Variants in SLCO6A1 observed in about 807,000 individuals in gnomAD.
SLCO6A1 encodes the protein solute carrier organic anion transporter family member 6A1, also known as cancer/testis antigen 48.
A neutral mutation model predicts 72.7 loss-of-function variants in SLCO6A1; 65 were observed. The observed-to-expected ratio is 0.89, with a 90% CI of 0.73 to 1.10. The LOEUF is 1.10. Among genes scored for constraint, SLCO6A1 ranks in the 50% least tolerant of loss-of-function variants. The pLI is 0.00. For missense variants in SLCO6A1, 874 were observed against 872.6 expected, an observed-to-expected ratio of 1.00 and a Z score of -0.02; for synonymous variants, 314 against 298.2, an observed-to-expected ratio of 1.05 and a Z score of -0.55.
chr5:102,432,347 A>C (rs1048354433), intron 7 of SLCO6A1, among the ~76,000 whole-genome samples: 2 of 152,050 alleles, frequency 1.3e-5, no homozygotes, highest in African/African-American at 4.8e-5. Flanking sequence ...TTGCATACTT[A>C]AGTGCATTTT....
intron 10 of SLCO6A1, among the ~76,000 whole-genome samples, chr5:102,392,384 A>G (rs1746814602): frequency 6.6e-6 from 1 of 152,016 alleles, no homozygotes; most frequent in African/African-American, 2.4e-5. Context: ...TTTTTGATAT[A>G]AAAGTGGAAA....
intron 12 of SLCO6A1, among the ~76,000 whole-genome samples, chr5:102,384,072 G>A (rs1290317696): frequency 6.6e-6 from 1 of 151,590 alleles, no homozygotes; most frequent in East Asian, 1.9e-4. Flanking sequence ...TCTTCTCTCT[G>A]TTTTTCTTAG....
intron 4 of SLCO6A1, 147 bp from the exon 5 acceptor site, chr5:102,459,924 C>T (rs1031215693): frequency 8.2e-6 from 5 of 607,834 alleles, no homozygotes; most frequent in Non-Finnish European, 1.1e-5. Flanking sequence ...TAATTTGTTA[C>T]TATTGTTTGT....
intron 7 of SLCO6A1, 180 bp downstream of exon 7, chr5:102,438,437 A>G: frequency 2.3e-6 from 1 of 436,518 alleles, no homozygotes; most frequent in Non-Finnish European, 4.0e-6. Context: ...AAGTTTTTAC[A>G]AGGATTTATA....
chr5:102,491,023 G>A (rs148147721), intron 1 of SLCO6A1, among the ~76,000 whole-genome samples: 2,603 of 152,152 alleles, frequency 0.017, 34 homozygotes, highest in African/African-American at 0.033. Flanking sequence ...GTCTGTTTTG[G>A]CAGGGCGCTG....
intron 4 of SLCO6A1, among the ~76,000 whole-genome samples, chr5:102,460,119 T>A (rs755211775): frequency 6.6e-6 from 1 of 152,160 alleles, no homozygotes; most frequent in Non-Finnish European, 1.5e-5. Context: ...CCTTTTTAAA[T>A]CTTACCTTTC....
At chr5:102,406,306 T>C (rs1452420255) in intron 9 of SLCO6A1, among the ~76,000 whole-genome samples, 1 of 151,884 alleles carries the variant, frequency 6.6e-6, no homozygotes, top group Non-Finnish European at 1.5e-5. Context: ...AGCAAAATAA[T>C]GCTATAATAA....
intron 8 of SLCO6A1, among the ~76,000 whole-genome samples, chr5:102,417,776 T>A (rs578058079): frequency 6.6e-6 from 1 of 152,250 alleles, no homozygotes; most frequent in Admixed American, 6.5e-5. Context: ...TTTTATGTAG[T>A]GTGGGTCAGG....
chr5:102,455,916 T>C (rs1041337106), intron 6 of SLCO6A1, among the ~76,000 whole-genome samples: 2 of 152,184 alleles, frequency 1.3e-5, no homozygotes, highest in African/African-American at 2.4e-5. Context: ...CATGATCAAG[T>C]GGGCTTCATC....
chr5:102,412,093 C>T (rs915189226), intron 9 of SLCO6A1, among the ~76,000 whole-genome samples: 2 of 152,016 alleles, frequency 1.3e-5, no homozygotes, highest in African/African-American at 4.8e-5. Context: ...AACCAATTGT[C>T]GACCAGAAAA....
chr5:102,380,037 CA>C (rs1303850404), intron 12 of SLCO6A1, among the ~76,000 whole-genome samples: 1 of 151,820 alleles, frequency 6.6e-6, no homozygotes, highest in Non-Finnish European at 1.5e-5. Context: ...TATTTGGAAA[CA>C]AAATTGATTT....
At chr5:102,406,514 TAC>T (rs1747675743) in intron 9 of SLCO6A1, among the ~76,000 whole-genome samples, 1 of 137,612 alleles carries the variant, frequency 7.3e-6, no homozygotes, top group South Asian at 2.5e-4. Context: ...ATCTTTTTCA[TAC>T]ACAGTGTTCA....
intron 11 of SLCO6A1, among the ~76,000 whole-genome samples, chr5:102,389,456 C>A (rs563648184): frequency 8.5e-5 from 7 of 81,958 alleles, no homozygotes; most frequent in Non-Finnish European, 1.3e-4. Context: ...CCCCCCACCC[C>A]CACACACACA....
Position 102,491,049 on chromosome 5 carries a change from A to G in SLCO6A1, c.358+7438T>C, listed in dbSNP as rs141943984. On this transcript the variant is annotated intron_variant, in intron 1 of 13. Transcript: ENST00000506729. The stretch of plus-strand genomic sequence containing the variant: ...CAGGGCGCTGATTGGTGCGTTTACA[A>G]TCCCTGAGCTAGACACAAAGGTTCT... 6.7e-3 allele frequency among the ~76,000 whole-genome samples: 1,023 copies of G among 152,216 alleles called. 9 individuals carry two copies. The highest frequency in any genetic ancestry group is 0.023 in the African/African-American group (973 of 41,504).
In SLCO6A1 at chr5:102,373,389, T is replaced by G. The variant is rs780528826; in HGVS notation, c.2123A>C (p.Asn708Thr). The G allele has an allele frequency of 6.3e-7, 1 of 1,576,126 alleles. No homozygotes were observed. Among genetic ancestry groups the G allele is most frequent in the South Asian group, 1.2e-5 (1 of 82,100 alleles). ...TTCTTCTTTTTTCTTAACTTTTGGA[T>G]TCTTCACAGTTACATCTGGGAAGTC... ...NTDFPDVTVKNPKVKKKEETD... is the reference protein window; with the variant it reads ...NTDFPDVTVKTPKVKKKEETD... Residue 708 changes from asparagine (N) to threonine (T), a missense_variant, in exon 13 of 14, where the codon AAT becomes ACT. Transcript: ENST00000506729.
At chr5:102,426,676 G>A (rs11952793) in intron 7 of SLCO6A1, among the ~76,000 whole-genome samples, 3,851 of 152,282 alleles carry the variant, frequency 0.025, 143 homozygotes, top group African/African-American at 0.087. Flanking sequence ...TGGTGGGAGT[G>A]TAAATTAGTT....
intron 7 of SLCO6A1, among the ~76,000 whole-genome samples, chr5:102,424,701 A>G (rs1037330550): frequency 2.0e-5 from 3 of 152,198 alleles, no homozygotes; most frequent in Non-Finnish European, 4.4e-5. Context: ...TACAAAGAAG[A>G]GTTGGTACCA....
chr5:102,375,967 A>T (rs555520788), intron 12 of SLCO6A1, among the ~76,000 whole-genome samples: 1 of 152,284 alleles, frequency 6.6e-6, no homozygotes, highest in African/African-American at 2.4e-5. Flanking sequence ...AAAAGCAATG[A>T]TACACAGAAA....
Position 102,482,824 on chromosome 5 carries a change from A to G in SLCO6A1, c.359-2390T>C, listed in dbSNP as rs1181740035. On this transcript the variant is annotated intron_variant, in intron 1 of 13. Coordinates refer to ENST00000506729, the MANE Select transcript of SLCO6A1 (RefSeq NM_173488.5). ...AAAAGAAGAACCCATATCCAAATAAATGGCTAATTTAGTGAGGAGAAATTA... is the reference window on the plus strand; with the variant it reads ...AAAAGAAGAACCCATATCCAAATAAGTGGCTAATTTAGTGAGGAGAAATTA... Among the ~76,000 whole-genome samples, 3 of 152,332 alleles carry G rather than the reference A, an allele frequency of 2.0e-5. No homozygotes were observed. The East Asian group carries it at 5.8e-4, about 29-fold the overall frequency.
Sources: allele counts gnomAD v4.1 joint callset (sites outside exome capture counted in the v4.1 genomes callset), GRCh38; gene constraint gnomAD v4.1.1; transcripts MANE v1.5; gene names NCBI Gene and HGNC (gene_info 2026-07-23, HGNC 2026-07-21).